The following SYTL3 variants were observed in gnomAD, a reference collection of about 807,000 sequenced individuals.
SYTL3 encodes the protein synaptotagmin like 3.
A neutral mutation model predicts 82.1 loss-of-function variants in SYTL3; 88 were observed. That is an observed-to-expected ratio of 1.07 (90% CI 0.90 to 1.28). The LOEUF (loss-of-function observed/expected upper bound fraction) is 1.28. SYTL3 is among the 50% of genes most tolerant of loss of function. The pLI, the probability that SYTL3 is intolerant of heterozygous loss-of-function variation, is 0.00. For synonymous variants in SYTL3, 311 were observed against 289.4 expected, an observed-to-expected ratio of 1.07 and a Z score of -0.76; for missense variants, 831 against 757.6, an observed-to-expected ratio of 1.10 and a Z score of -1.14.
intron 11 of SYTL3, among the ~76,000 whole-genome samples, chr6:158,739,419 T>C (rs1050466410): frequency 6.6e-6 from 1 of 152,200 alleles, no homozygotes; most frequent in South Asian, 2.1e-4. Context: ...TAAAAAATAT[T>C]TTCCTCTTAA....
chr6:158,695,159 G>A (rs1217886276), intron 6 of SYTL3, among the ~76,000 whole-genome samples: 1 of 152,166 alleles, frequency 6.6e-6, no homozygotes, highest in Non-Finnish European at 1.5e-5. Flanking sequence ...TTGAGTAGTT[G>A]CAACAGAGAC....
intron 6 of SYTL3, among the ~76,000 whole-genome samples, chr6:158,694,974 G>A (rs1002181715): frequency 1.3e-5 from 2 of 152,176 alleles, no homozygotes; most frequent in African/African-American, 2.4e-5. Flanking sequence ...TAGGTGGGCT[G>A]GTTATCAGGT....
chr6:158,713,207 T>A (rs7744430), intron 8 of SYTL3, among the ~76,000 whole-genome samples: 46,183 of 151,968 alleles, frequency 0.3, 7,351 homozygotes, highest in African/African-American at 0.34. Context: ...TGGGTGGTAA[T>A]GTAAGATGGA....
chr6:158,692,126 C>T (rs1419653674), intron 6 of SYTL3, among the ~76,000 whole-genome samples: 43 of 147,704 alleles, frequency 2.9e-4, no homozygotes, highest in Non-Finnish European at 5.5e-4. Flanking sequence ...GGCGTGGTGG[C>T]GGGCGCCTGT....
intron 11 of SYTL3, among the ~76,000 whole-genome samples, chr6:158,744,332 A>G (rs1380503050): frequency 2.2e-5 from 2 of 91,786 alleles, no homozygotes; most frequent in African/African-American, 4.2e-5. Context: ...TTTGAGACGG[A>G]GTCTTGCTCA....
At chr6:158,696,407 G>T (rs1330411178) in intron 6 of SYTL3, among the ~76,000 whole-genome samples, 1 of 149,882 alleles carries the variant, frequency 6.7e-6, no homozygotes, top group South Asian at 2.1e-4. Flanking sequence ...GTTTCACTGT[G>T]TTGGCCAGTA....
At chr6:158,693,850 C>CTTTTT (rs1357595960) in intron 6 of SYTL3, among the ~76,000 whole-genome samples, 38 of 58,420 alleles carry the variant, frequency 6.5e-4, no homozygotes, top group African/African-American at 2.0e-3. Context: ...CTTTCTTTTT[C>CTTTTT]TTTTCTTTTT....
intron 11 of SYTL3, among the ~76,000 whole-genome samples, chr6:158,742,520 C>T (rs1013442243): frequency 3.3e-5 from 5 of 152,018 alleles, no homozygotes; most frequent in African/African-American, 1.2e-4. Flanking sequence ...TGTGATAAGC[C>T]TGAAGGCCAG....
At chr6:158,686,346 G>A (rs1230772481) in intron 6 of SYTL3, among the ~76,000 whole-genome samples, 1 of 152,106 alleles carries the variant, frequency 6.6e-6, no homozygotes, top group East Asian at 1.9e-4. Context: ...ATAAACACCA[G>A]AAAAGCCCTA....
chr6:158,680,766 A>G (rs1778599537), intron 5 of SYTL3, among the ~76,000 whole-genome samples: 1 of 152,028 alleles, frequency 6.6e-6, no homozygotes, highest in Admixed American at 6.6e-5. Context: ...AAAATTATGA[A>G]ATTCTTAAAT....
chr6:158,757,126 C>T, intron 13 of SYTL3, 85 bp from the exon 14 acceptor site: 1 of 1,330,008 alleles, frequency 7.5e-7, no homozygotes, highest in Non-Finnish European at 1.0e-6. Flanking sequence ...GGAAGTGGGG[C>T]CCTGGAAGGT....
At chr6:158,763,878 C>T (rs967472555) in intron 17 of SYTL3, among the ~76,000 whole-genome samples, 2 of 152,218 alleles carry the variant, frequency 1.3e-5, no homozygotes, top group African/African-American at 4.8e-5. Context: ...GTCAGAACAG[C>T]AGTGCTGTCC....
At chr6:158,700,900 G>C (rs1179271133) in intron 6 of SYTL3, among the ~76,000 whole-genome samples, 1 of 152,224 alleles carries the variant, frequency 6.6e-6, no homozygotes, top group African/African-American at 2.4e-5. Flanking sequence ...ACAGGCATGA[G>C]CCACCGCACC....
intron 6 of SYTL3, among the ~76,000 whole-genome samples, chr6:158,684,622 C>T (rs1482926823): frequency 6.6e-6 from 1 of 152,066 alleles, no homozygotes; most frequent in African/African-American, 2.4e-5. Context: ...GCAGCGGTGG[C>T]TCTTTTCTAG....
intron 9 of SYTL3, among the ~76,000 whole-genome samples, chr6:158,714,130 A>T (rs1783073159): frequency 6.6e-6 from 1 of 152,212 alleles, no homozygotes; most frequent in South Asian, 2.1e-4. Context: ...AGGTGGGTGG[A>T]TCACTTGAGG....
At chr6:158,671,973 T>C (rs1777431321) in intron 5 of SYTL3, among the ~76,000 whole-genome samples, 1 of 152,114 alleles carries the variant, frequency 6.6e-6, no homozygotes, top group Admixed American at 6.5e-5. Context: ...GCAAGTTCTT[T>C]ATTTTGATTC....
chr6:158,666,288 C>CT (rs1790044526), intron 5 of SYTL3, among the ~76,000 whole-genome samples: 1 of 152,188 alleles, frequency 6.6e-6, no homozygotes, highest in African/African-American at 2.4e-5. Context: ...GCTGACCTGT[C>CT]TTTAATACTC....
intron 11 of SYTL3, chr6:158,725,938 A>G: frequency 1.5e-6 from 1 of 679,064 alleles, no homozygotes; most frequent in Non-Finnish European, 2.8e-6. Context: ...TCGCGTAAAC[A>G]GATAGGGCAG....
chr6:158,681,135 T>C (rs1376316285), intron 5 of SYTL3, among the ~76,000 whole-genome samples: 2 of 152,206 alleles, frequency 1.3e-5, no homozygotes, highest in East Asian at 1.9e-4. Context: ...AACAAAGGAA[T>C]TGGCCAGTTT....
Sources: gnomAD v4.1 joint callset for allele counts (sites outside exome capture counted in the v4.1 genomes callset) on GRCh38, gnomAD v4.1.1 for gene constraint, MANE v1.5 for transcripts, NCBI Gene and HGNC (gene_info 2026-07-23, HGNC 2026-07-21) for gene names.